The following TENM3 variants were observed in gnomAD, a reference collection of about 807,000 sequenced individuals.
TENM3 encodes teneurin-3.
A neutral mutation model predicts 255.1 loss-of-function variants in TENM3; 63 were observed. The observed-to-expected ratio is 0.25, with a 90% CI of 0.20 to 0.30. TENM3 has a LOEUF of 0.30. Ranked by LOEUF, TENM3 falls within the 10% of genes least tolerant of loss-of-function variation. TENM3 has a pLI of 1.00. For synonymous variants in TENM3, 1,306 were observed against 1,322.3 expected (o/e 0.99, Z 0.27); for missense variants, 2,929 against 3,461.1 (o/e 0.85, Z 3.86).
At chr4:181,975,909 T>C in the TENM3 span, 2 of 152,092 alleles carry the variant, frequency 1.3e-5, no homozygotes, top group African/African-American at 2.4e-5. Context: ...TGGCTACAAG[T>C]CGAAAATCAA....
the TENM3 span, among the ~76,000 whole-genome samples, chr4:181,617,420 G>A: frequency 6.6e-6 from 1 of 152,314 alleles, no homozygotes; most frequent in Admixed American, 6.5e-5. Flanking sequence ...GCCCTGCAAA[G>A]GTAACAAACA....
Position 182,673,541 on chromosome 4 carries a change from C to T in TENM3, c.1326+322C>T, listed in dbSNP as rs17073802. Among the ~76,000 whole-genome samples, 1,077 of 152,260 alleles carry T rather than the reference C, an allele frequency of 7.1e-3. 17 individuals carry two copies. Among genetic ancestry groups the T allele is most frequent in the East Asian group, 0.039 (202 of 5,182 alleles). On this transcript the variant is annotated intron_variant, in intron 7 of 27. Coordinates refer to ENST00000511685, the MANE Select transcript of TENM3 (RefSeq NM_001080477.4). ...TTTTACAAAGATTCTATGATAATTT[C>T]CGATGATCTTATTCCTTTCATGTAA...
chr4:182,053,319 G>A, the TENM3 span, among the ~76,000 whole-genome samples: 13 of 152,182 alleles, frequency 8.5e-5, no homozygotes, highest in East Asian at 9.6e-4. Context: ...AGTGCTTAGC[G>A]TTTAGTGGAT....
the TENM3 span, among the ~76,000 whole-genome samples, chr4:181,521,087 G>A: frequency 1.3e-5 from 2 of 152,150 alleles, no homozygotes; most frequent in Non-Finnish European, 2.9e-5. Context: ...TACCACCAGG[G>A]CTTTTTCTCT....
intron 1 of TENM3, among the ~76,000 whole-genome samples, chr4:182,244,107 C>T (rs552011986): frequency 1.3e-5 from 2 of 151,748 alleles, no homozygotes; most frequent in East Asian, 3.9e-4. Flanking sequence ...GCGCCCGCCA[C>T]CACGCCCGGC....
At chr4:182,081,036 C>CCT in the TENM3 span, among the ~76,000 whole-genome samples, 1 of 151,972 alleles carries the variant, frequency 6.6e-6, no homozygotes, top group Non-Finnish European at 1.5e-5. Flanking sequence ...GCTTTGCCCC[C>CCT]TTTGGTAATT....
the TENM3 span, among the ~76,000 whole-genome samples, chr4:181,864,679 T>G: frequency 1.3e-5 from 2 of 152,084 alleles, no homozygotes; most frequent in Non-Finnish European, 2.9e-5. Flanking sequence ...TATGATAGGA[T>G]GACAACAAGC....
chr4:181,972,436 C>A, the TENM3 span, among the ~76,000 whole-genome samples: 248 of 114,856 alleles, frequency 2.2e-3, no homozygotes, highest in Middle Eastern at 9.2e-3. Context: ...CCTCCTTGTC[C>A]AAAAAAAAAA....
chr4:181,616,860 A>T, the TENM3 span, among the ~76,000 whole-genome samples: 1 of 152,198 alleles, frequency 6.6e-6, no homozygotes, highest in African/African-American at 2.4e-5. Context: ...ACAGAGTTGA[A>T]GGCAGATCTT....
At chr4:181,618,456 C>T in the TENM3 span, among the ~76,000 whole-genome samples, 3 of 152,318 alleles carry the variant, frequency 2.0e-5, no homozygotes, top group African/African-American at 7.2e-5. Context: ...AGGGTGATTT[C>T]AGTGTCAGTT....
the TENM3 span, among the ~76,000 whole-genome samples, chr4:181,722,408 C>G: frequency 6.6e-6 from 1 of 152,140 alleles, no homozygotes; most frequent in Non-Finnish European, 1.5e-5. Flanking sequence ...GATAGAAACT[C>G]TATTGCAATG....
chr4:182,690,613 C>T (rs1421313290), intron 12 of TENM3, among the ~76,000 whole-genome samples: 2 of 152,152 alleles, frequency 1.3e-5, no homozygotes, highest in Non-Finnish European at 2.9e-5. Flanking sequence ...GTACAACAAA[C>T]ACGTGTGTAT....
At chr4:181,987,716 C>T in the TENM3 span, among the ~76,000 whole-genome samples, 2 of 152,072 alleles carry the variant, frequency 1.3e-5, no homozygotes, top group Non-Finnish European at 2.9e-5. Flanking sequence ...TTTCTAGTTC[C>T]CTTTAGCTTC....
the TENM3 span, among the ~76,000 whole-genome samples, chr4:181,803,287 A>T: frequency 6.6e-6 from 1 of 152,196 alleles, no homozygotes; most frequent in Non-Finnish European, 1.5e-5. Context: ...ATGCTAATTC[A>T]ATCAAGAATG....
At chr4:181,703,563 A>G in the TENM3 span, among the ~76,000 whole-genome samples, 2 of 152,062 alleles carry the variant, frequency 1.3e-5, no homozygotes, top group Admixed American at 6.6e-5. Flanking sequence ...TCTCGCCCAG[A>G]CTCAGAAACT....
chr4:181,691,255 G>C, the TENM3 span, among the ~76,000 whole-genome samples: 527 of 147,800 alleles, frequency 3.6e-3, 2 homozygotes, highest in African/African-American at 0.012. Flanking sequence ...GTGTGTGTGT[G>C]TATAATTAAG....
At chr4:182,473,596 T>C (rs906577227) in intron 3 of TENM3, among the ~76,000 whole-genome samples, 20 of 151,938 alleles carry the variant, frequency 1.3e-4, no homozygotes, top group East Asian at 9.7e-4. Context: ...TGGCGTGAAC[T>C]AGGGAGGCGG....
At chr4:181,497,282 C>T in the TENM3 span, among the ~76,000 whole-genome samples, 6 of 152,264 alleles carry the variant, frequency 3.9e-5, no homozygotes, top group Admixed American at 2.6e-4. Context: ...CAGCAGCTCC[C>T]TCATCAGCGA....
chr4:182,323,021 T>A (rs1012728424), intron 1 of TENM3, among the ~76,000 whole-genome samples: 14 of 151,946 alleles, frequency 9.2e-5, no homozygotes, highest in Admixed American at 9.2e-4. Context: ...AGAGACAACA[T>A]GAGAAGGAAT....
Sources: allele counts gnomAD v4.1 joint callset (sites outside exome capture counted in the v4.1 genomes callset), GRCh38; gene constraint gnomAD v4.1.1; transcripts MANE v1.5; gene names NCBI Gene and HGNC (gene_info 2026-07-23, HGNC 2026-07-21).